Variants in C21orf91 observed in about 807,000 individuals in gnomAD.
The protein encoded by C21orf91 is chromosome 21 open reading frame 91.
Under a neutral mutation model 32.9 loss-of-function variants are expected in C21orf91, and 26 were observed. That is an observed-to-expected ratio of 0.79 (90% CI 0.58 to 1.10). The LOEUF is 1.10. Ranked by LOEUF, C21orf91 falls within the 50% of genes least tolerant of loss-of-function variation. The probability of loss-of-function intolerance (pLI) is 0.00; values close to 1 mark genes in which losing one functional copy is unlikely to be tolerated. For missense variants in C21orf91, 310 were observed against 341.3 expected (o/e 0.91, Z 0.72); for synonymous variants, 126 against 120.4 (o/e 1.05, Z -0.31).
At chr21:17,813,670 AT>A (rs1161342204) in intron 2 of C21orf91, among the ~76,000 whole-genome samples, 1 of 152,234 alleles carries the variant, frequency 6.6e-6, no homozygotes, top group Non-Finnish European at 1.5e-5. Context: ...CAAATTTCAG[AT>A]TTTGGAATAT....
intron 2 of C21orf91, among the ~76,000 whole-genome samples, chr21:17,801,274 GTTT>G (rs904831489): frequency 7.1e-6 from 1 of 140,402 alleles, no homozygotes; most frequent in Admixed American, 7.2e-5. Context: ...AACACCGTAT[GTTT>G]TTTTTTTTTT....
intron 4 of C21orf91, 143 bp from the exon 5 acceptor site, chr21:17,793,724 CT>C: frequency 1.6e-6 from 1 of 613,498 alleles, no homozygotes; most frequent in South Asian, 2.0e-5. Flanking sequence ...CAGTTCTGTT[CT>C]CTACAAAGCA....
chr21:17,789,985 G>A lies in C21orf91; in HGVS notation c.*3430C>T, dbSNP rs1197747977. On this transcript the variant is annotated 3_prime_UTR_variant, in exon 5 of 5. Transcript: ENST00000284881. ...TCTTTGCCTTACATCTGAACAAAAA[G>A]TATTAACTTTTTTATAGCGTATTAC... 1.3e-5 allele frequency: 2 copies of A among 152,034 alleles called. No individual in the cohort carries two copies. The highest frequency in any genetic ancestry group is 4.8e-5 in the African/African-American group (2 of 41,428). 9.4% of individuals were successfully genotyped at this position (152,034 alleles called of 1,614,324 possible).
Position 17,805,624 on chromosome 21 carries a change from T to C in C21orf91, c.128-8506A>G, listed in dbSNP as rs554276937. 5.3e-5 allele frequency among the ~76,000 whole-genome samples: 8 copies of C among 152,280 alleles called. No homozygotes were observed. The South Asian group carries it at 8.3e-4, about 16-fold the overall frequency. On this transcript the variant is annotated intron_variant, in intron 2 of 4. Transcript: ENST00000284881. ...CCACCACACCCAGCTAGCGTACTGA[T>C]ATATTAATATGGGATATTACACTCA...
At chr21:17,815,748 C>A (rs1463585395) in intron 2 of C21orf91, among the ~76,000 whole-genome samples, 1 of 152,092 alleles carries the variant, frequency 6.6e-6, no homozygotes, top group Admixed American at 6.5e-5. Flanking sequence ...GCAACCTCCA[C>A]CTCCTGGGTT....
rs2062483977 is a variant in C21orf91 at position 17,792,525 on chromosome 21, A to G, written c.*890T>C. On this transcript the variant is annotated 3_prime_UTR_variant, in exon 5 of 5. Transcript: ENST00000284881. ...ATTTCACAGCACACTCAATTTGAAG[A>G]TAGACATTATATTTGAATTGGAAGT... 6.6e-6 allele frequency: 1 copy of G among 152,050 alleles called. No individual in the cohort carries two copies. The highest frequency in any genetic ancestry group is 2.1e-4 in the South Asian group (1 of 4,832). The allele number at this position is 152,050 out of a possible 1,614,324, so 9.4% of individuals were successfully genotyped here.
At chr21:17,794,101 T>G (rs1163361183) in intron 4 of C21orf91, among the ~76,000 whole-genome samples, 1 of 152,194 alleles carries the variant, frequency 6.6e-6, no homozygotes, top group East Asian at 1.9e-4. Flanking sequence ...ACTGTAAAAA[T>G]TAAATGAGAT....
chr21:17,797,494 T>C (rs923562458), intron 2 of C21orf91, among the ~76,000 whole-genome samples: 1 of 151,700 alleles, frequency 6.6e-6, no homozygotes, highest in African/African-American at 2.4e-5. Flanking sequence ...CAAAAATATC[T>C]ATAATATTAT....
chr21:17,816,576 C>T (rs899268347), intron 2 of C21orf91, among the ~76,000 whole-genome samples: 6 of 152,216 alleles, frequency 3.9e-5, no homozygotes, highest in African/African-American at 1.2e-4. Context: ...CTTTAAAGTC[C>T]AGGACCAACA....
intron 2 of C21orf91, among the ~76,000 whole-genome samples, chr21:17,800,789 AGATATCCATGTCACTT>A (rs2062553981): frequency 1.3e-5 from 2 of 152,234 alleles, no homozygotes; most frequent in African/African-American, 4.8e-5. Flanking sequence ...GATACTTCAA[AGATATCCATGTCACTT>A]TTTTTTAAAT....
chr21:17,815,851 G>T (rs1457722227), intron 2 of C21orf91, among the ~76,000 whole-genome samples: 1 of 152,002 alleles, frequency 6.6e-6, no homozygotes, highest in Admixed American at 6.6e-5. Flanking sequence ...GTAGAGACGG[G>T]GTTTCTCCAT....
At chr21:17,810,721 C>T (rs2062627244) in intron 2 of C21orf91, 1 of 152,236 alleles carries the variant, frequency 6.6e-6, no homozygotes, top group Admixed American at 6.5e-5. Flanking sequence ...TCATTACCAG[C>T]TGACATCTGC....
intron 2 of C21orf91, among the ~76,000 whole-genome samples, chr21:17,813,722 A>G (rs2062647505): frequency 6.6e-6 from 1 of 152,242 alleles, no homozygotes; most frequent in Non-Finnish European, 1.5e-5. Flanking sequence ...AATAACAAAA[A>G]TCTGAAATCT....
At position 17,793,424 on chromosome 21, in the gene C21orf91, T is replaced by C. The variant is rs752931493; in HGVS notation, c.885A>G (p.Ile295Met). Residue 295 changes from isoleucine (I) to methionine (M), a missense_variant, in exon 5 of 5, where the codon ATA becomes ATG. By Grantham distance (10) the Ile-to-Met change is conservative. Coordinates refer to ENST00000284881, the MANE Select transcript of C21orf91 (RefSeq NM_001100420.2). ...AGTAAGTCTGTTTAGGTCAGTTGTT[T>C]ATGGGTAGGTGCGACTTCATTCCTG... ...GRTGMKSHLP[I>M]NN 4 of 1,606,838 alleles carry C rather than the reference T, an allele frequency of 2.5e-6. No individual in the cohort carries two copies. Among genetic ancestry groups the C allele is most frequent in the Non-Finnish European group, 3.4e-6 (4 of 1,175,194 alleles).
chr21:17,809,857 G>C (rs2062620792), intron 2 of C21orf91, among the ~76,000 whole-genome samples: 1 of 152,140 alleles, frequency 6.6e-6, no homozygotes, highest in Non-Finnish European at 1.5e-5. Context: ...CTTTCATTTT[G>C]AGATTCAGAT....
At chr21:17,796,057 T>C (rs1202768663) in intron 3 of C21orf91, among the ~76,000 whole-genome samples, 1 of 152,226 alleles carries the variant, frequency 6.6e-6, no homozygotes, top group African/African-American at 2.4e-5. Flanking sequence ...CTTCTGGCTC[T>C]GAAAACATGA....
chr21:17,816,818 G>T (rs1460663121), intron 2 of C21orf91, among the ~76,000 whole-genome samples: 1 of 151,892 alleles, frequency 6.6e-6, no homozygotes, highest in African/African-American at 2.4e-5. Context: ...TAAAATACAG[G>T]GTTTGGACTA....
intron 2 of C21orf91, among the ~76,000 whole-genome samples, chr21:17,800,847 A>C (rs980678397): frequency 6.6e-6 from 1 of 152,254 alleles, no homozygotes; most frequent in Non-Finnish European, 1.5e-5. Context: ...CCAAGACCTT[A>C]ATTGGCAACC....
At chr21:17,797,912 TTAAAAATATAAAAATTA>T (rs1568750223) in intron 2 of C21orf91, among the ~76,000 whole-genome samples, 2 of 151,962 alleles carry the variant, frequency 1.3e-5, no homozygotes, top group Non-Finnish European at 1.5e-5. Context: ...CAATTGTTTT[TTAAAAATATAAAAATTA>T]TAAAAATATA....
Sources: allele counts gnomAD v4.1 joint callset (sites outside exome capture counted in the v4.1 genomes callset), GRCh38; gene constraint gnomAD v4.1.1; transcripts MANE v1.5; gene names NCBI Gene and HGNC (gene_info 2026-07-23, HGNC 2026-07-21).